Variants in GRIN2A observed in about 807,000 individuals in gnomAD.
GRIN2A encodes glutamate receptor ionotropic, NMDA 2A.
In GRIN2A, 22 loss-of-function variants were observed where a neutral mutation model predicts 113.4. The ratio of observed to expected loss-of-function variants is 0.19; its 90% CI spans 0.14 to 0.28. The LOEUF (loss-of-function observed/expected upper bound fraction) is 0.28, where lower values mean the gene tolerates loss of function less well. Ranked by LOEUF, GRIN2A falls within the 10% of genes least tolerant of loss-of-function variation. The pLI is 1.00. For synonymous variants in GRIN2A, 827 were observed against 738.4 expected (o/e 1.12, Z -1.94); for missense variants, 1,502 against 1,887.0 (o/e 0.80, Z 3.78).
At chr16:10,160,201 C>T (rs1183781933) in intron 2 of GRIN2A, among the ~76,000 whole-genome samples, 1 of 152,210 alleles carries the variant, frequency 6.6e-6, no homozygotes, top group African/African-American at 2.4e-5. Flanking sequence ...TCTCCTAACT[C>T]ACTATTTTGT....
At chr16:10,177,064 T>C (rs751382601) in intron 2 of GRIN2A, among the ~76,000 whole-genome samples, 8 of 152,128 alleles carry the variant, frequency 5.3e-5, no homozygotes, top group African/African-American at 2.4e-5. Context: ...GAGGCTGTAG[T>C]CATAATACCA....
chr16:9,914,904 GCTTTTTTTTTTTTTTTTT>G (rs1567173234), intron 3 of GRIN2A, among the ~76,000 whole-genome samples: 1 of 48,692 alleles, frequency 2.1e-5, no homozygotes, highest in African/African-American at 7.1e-5. Context: ...TGATTATGCA[GCTTTTTTTTTTTTTTTTT>G]TTTTTTTTTT....
chr16:9,980,666 G>A (rs140473626), intron 2 of GRIN2A, among the ~76,000 whole-genome samples: 22 of 152,050 alleles, frequency 1.4e-4, no homozygotes, highest in African/African-American at 5.1e-4. Flanking sequence ...CATAAAACAG[G>A]ATGAGTTCAT....
intron 2 of GRIN2A, among the ~76,000 whole-genome samples, chr16:10,102,805 G>A (rs1203053401): frequency 6.6e-6 from 1 of 152,192 alleles, no homozygotes. Flanking sequence ...CTAGCAAGAG[G>A]TAGAGCTAGG....
intron 2 of GRIN2A, among the ~76,000 whole-genome samples, chr16:9,990,553 GCGCGCGCGCGCACA>G (rs892766515): frequency 7.7e-5 from 8 of 104,172 alleles, no homozygotes; most frequent in South Asian, 4.1e-4. Flanking sequence ...ACACGCGCGC[GCGCGCGCGCGCACA>G]CACACACACA....
At chr16:10,058,207 A>G (rs1258033703) in intron 2 of GRIN2A, among the ~76,000 whole-genome samples, 2 of 152,104 alleles carry the variant, frequency 1.3e-5, no homozygotes, top group African/African-American at 4.8e-5. Context: ...GTGAGCCATG[A>G]TCAAGCCTTG....
At position 9,784,458 on chromosome 16, in the gene GRIN2A, C is replaced by A. The variant is rs1305625462; in HGVS notation, c.2356+13819G>T. Among the ~76,000 whole-genome samples the A allele has an allele frequency of 1.0e-3, 147 of 140,958 alleles. 1 individual carries two copies. The highest frequency in any genetic ancestry group is 3.3e-3 in the African/African-American group (119 of 35,882). 92.5% of individuals were successfully genotyped at this position (140,958 alleles called of 152,430 possible). On this transcript the variant is annotated intron_variant, in intron 11 of 12. Transcript: ENST00000330684. ...ACAACAACCAAAAAAAAAAAACAAA[C>A]AAACAAAAAACCTAAAACCATAAAA...
intron 3 of GRIN2A, 53 bp from the exon 4 acceptor site, chr16:9,891,153 G>T (rs141081298): frequency 3.0e-6 from 3 of 1,007,178 alleles, no homozygotes; most frequent in East Asian, 2.4e-5. Flanking sequence ...TAGAGCAATC[G>T]AACAAATAAG....
chr16:9,945,434 T>C (rs891119248), intron 2 of GRIN2A, among the ~76,000 whole-genome samples: 11 of 151,988 alleles, frequency 7.2e-5, no homozygotes, highest in African/African-American at 2.4e-4. Flanking sequence ...AGCTGAAGTT[T>C]AAGGAGCAAG....
intron 4 of GRIN2A, among the ~76,000 whole-genome samples, chr16:9,866,603 C>G (rs768334952): frequency 1.3e-5 from 2 of 152,180 alleles, no homozygotes; most frequent in Non-Finnish European, 2.9e-5. Context: ...GACTCAACAC[C>G]TGGGGATAAT....
At position 10,112,154 on chromosome 16, in the gene GRIN2A, C is replaced by T. The variant is rs1442253279; in HGVS notation, c.414+67844G>A. ...GCACCCATGAGGATGACAAATACTG[C>T]CTGGACCTGCTCACCTGGGTAGGCA... is the stretch of plus-strand genomic sequence containing the variant. On this transcript the variant is annotated intron_variant, in intron 2 of 12. Transcript: ENST00000330684. 4 of 587,588 alleles carry T rather than the reference C, an allele frequency of 6.8e-6. No individual in the cohort carries two copies. The East Asian group carries it at 1.1e-4, about 15-fold the overall frequency. The allele number at this position is 587,588 out of a possible 1,614,324, so 36.4% of individuals were successfully genotyped here. A position where few individuals can be genotyped will look rare whatever the true frequency, so the allele number is the denominator to read the frequency against.
chr16:9,963,106 CA>C (rs1307980810), intron 2 of GRIN2A, among the ~76,000 whole-genome samples: 5 of 126,328 alleles, frequency 4.0e-5, no homozygotes, highest in Admixed American at 9.3e-5. Flanking sequence ...GAACATCACA[CA>C]TCGGGGACTG....
Position 9,845,964 on chromosome 16 carries a change from A to G in GRIN2A, c.1328+3792T>C, listed in dbSNP as rs951013914. On this transcript the variant is annotated intron_variant, in intron 5 of 12. Coordinates refer to ENST00000330684, the MANE Select transcript of GRIN2A (RefSeq NM_001134407.3). ...ATCCATGTATCCCCTGTGCCCAGCAATGTGCCTAACATGCAAACTGTGCTT... is the reference window on the plus strand; with the variant it reads ...ATCCATGTATCCCCTGTGCCCAGCAGTGTGCCTAACATGCAAACTGTGCTT... 3.3e-5 allele frequency among the ~76,000 whole-genome samples: 5 copies of G among 152,238 alleles called. No individual in the cohort carries two copies. In the East Asian group the frequency reaches 7.7e-4, roughly 23 times the overall value.
chr16:9,820,873 T>C, intron 10 of GRIN2A, among the ~76,000 whole-genome samples: 1 of 152,208 alleles, frequency 6.6e-6, no homozygotes, highest in Non-Finnish European at 1.5e-5. Flanking sequence ...AAGAAATCAT[T>C]CCAAACCAGA....
chr16:10,160,616 C>T (rs58155524), intron 2 of GRIN2A, among the ~76,000 whole-genome samples: 2,449 of 152,308 alleles, frequency 0.016, 60 homozygotes, highest in African/African-American at 0.056. Context: ...CAGAGACTTT[C>T]CCACATTCAG....
At chr16:9,843,545 T>C (rs532513014) in intron 5 of GRIN2A, among the ~76,000 whole-genome samples, 1 of 152,326 alleles carries the variant, frequency 6.6e-6, no homozygotes, top group South Asian at 2.1e-4. Flanking sequence ...GACACCTGCT[T>C]ATCAATGCTT....
At chr16:10,058,631 A>G (rs550872145) in intron 2 of GRIN2A, among the ~76,000 whole-genome samples, 1 of 152,258 alleles carries the variant, frequency 6.6e-6, no homozygotes, top group Non-Finnish European at 1.5e-5. Flanking sequence ...AGGTAAGTAA[A>G]AATAAGCAAT....
At chr16:9,951,540 A>C (rs1374252844) in intron 2 of GRIN2A, among the ~76,000 whole-genome samples, 1 of 152,220 alleles carries the variant, frequency 6.6e-6, no homozygotes, top group Non-Finnish European at 1.5e-5. Flanking sequence ...AGCCTGTCCA[A>C]GACCCACTTG....
chr16:10,073,321 C>A (rs1354045651), intron 2 of GRIN2A, among the ~76,000 whole-genome samples: 2 of 152,040 alleles, frequency 1.3e-5, no homozygotes, highest in Admixed American at 6.6e-5. Context: ...GCAGGCAAGG[C>A]CCATGGAAGA....
Sources: gnomAD v4.1 joint callset for allele counts (sites outside exome capture counted in the v4.1 genomes callset) on GRCh38, gnomAD v4.1.1 for gene constraint, MANE v1.5 for transcripts, NCBI Gene and HGNC (gene_info 2026-07-23, HGNC 2026-07-21) for gene names.